The following PSMA5 variants were observed in gnomAD, a reference collection of about 807,000 sequenced individuals.
The protein encoded by PSMA5 is proteasome 20S subunit alpha 5.
In PSMA5, 3 loss-of-function variants were observed where a neutral mutation model predicts 34.5. That is an observed-to-expected ratio of 0.09 (90% CI 0.04 to 0.22). The LOEUF (loss-of-function observed/expected upper bound fraction) is 0.22, where lower values mean the gene tolerates loss of function less well. Ranked by LOEUF, PSMA5 falls within the 10% of genes least tolerant of loss-of-function variation. PSMA5 has a pLI of 1.00. For synonymous variants in PSMA5, 88 were observed against 95.8 expected (o/e 0.92, Z 0.47); for missense variants, 120 against 286.1 (o/e 0.42, Z 4.19).
At position 109,399,502 on chromosome 1, in the gene PSMA5, A is replaced by G. The variant is rs1025954904; in HGVS notation, c.*2511T>C. The G allele has an allele frequency of 6.6e-6, 1 of 152,210 alleles. No homozygotes were observed. Among genetic ancestry groups the G allele is most frequent in the Non-Finnish European group, 1.5e-5 (1 of 68,060 alleles). The allele number at this position is 152,210 out of a possible 1,614,324, so 9.4% of individuals were successfully genotyped here. A position where few individuals can be genotyped will look rare whatever the true frequency, so the allele number is the denominator to read the frequency against. On this transcript the variant is annotated 3_prime_UTR_variant, in exon 9 of 9. Coordinates refer to ENST00000271308, the MANE Select transcript of PSMA5 (RefSeq NM_002790.4). ...ATTTCTTTGTTTGGGTGACACAAAG[A>G]TGAATGGTCTATTGTCTTACTGTCT...
In PSMA5 at chr1:109,411,988, T is replaced by C. The variant is rs1299344358; in HGVS notation, c.400-53A>G. 5 of 1,586,124 alleles carry C rather than the reference T, an allele frequency of 3.2e-6. No individual in the cohort carries two copies. In the African/African-American group the frequency reaches 5.4e-5, roughly 17 times the overall value. ...GATAAATGGCTATAAAGTAAGGAGG[T>C]GAGAGGGGCTGGGAATGTTATGTTC... is the stretch of plus-strand genomic sequence containing the variant. On this transcript the variant is annotated intron_variant, in intron 5 of 8. Coordinates refer to ENST00000271308, the MANE Select transcript of PSMA5 (RefSeq NM_002790.4).
Position 109,399,142 on chromosome 1 carries a change from CAT to C in PSMA5, c.*2869_*2870del, listed in dbSNP as rs1653392464. 1 of 152,208 alleles carries C rather than the reference CAT, an allele frequency of 6.6e-6. No homozygotes were observed. The highest frequency in any genetic ancestry group is 6.5e-5 in the Admixed American group (1 of 15,286). 9.4% of individuals were successfully genotyped at this position (152,208 alleles called of 1,614,324 possible). On this transcript the variant is annotated 3_prime_UTR_variant, in exon 9 of 9. Transcript: ENST00000271308. Reference sequence around the variant, plus strand: ...TACAATGCACCCAACCCGATATTTACATTAAAATATTTCCAGTCACATTAACT... The same window carrying C: ...TACAATGCACCCAACCCGATATTTACTAAAATATTTCCAGTCACATTAACT...
rs554866819 is a variant in PSMA5 at position 109,413,150 on chromosome 1, C to T, written c.224-15G>A. Reference sequence around the variant, plus strand: ...CATGGCACAACCTGCAATGTAAAAGCGACAGTGACCCAGTGGCCAAATCCT... The same window carrying T: ...CATGGCACAACCTGCAATGTAAAAGTGACAGTGACCCAGTGGCCAAATCCT... On this transcript the variant is annotated splice_polypyrimidine_tract_variant and intron_variant, in intron 3 of 8. Transcript: ENST00000271308. 3.0e-5 allele frequency: 49 copies of T among 1,612,640 alleles called. 1 individual carries two copies. The highest frequency in any genetic ancestry group is 2.6e-4 in the South Asian group (24 of 90,958).
At chr1:109,414,783 C>T (rs1267509735) in intron 3 of PSMA5, 1 of 152,876 alleles carries the variant, frequency 6.5e-6, no homozygotes, top group East Asian at 1.9e-4. Context: ...AATAAAATGC[C>T]ATTCTATAAA....
At chr1:109,407,888 T>C (rs996490340) in intron 8 of PSMA5, among the ~76,000 whole-genome samples, 1 of 152,008 alleles carries the variant, frequency 6.6e-6, no homozygotes, top group African/African-American at 2.4e-5. Context: ...CACGTGATCT[T>C]CCTGCCTTGG....
At chr1:109,414,140 T>A (rs898579853) in intron 3 of PSMA5, among the ~76,000 whole-genome samples, 5 of 152,236 alleles carry the variant, frequency 3.3e-5, no homozygotes, top group Non-Finnish European at 7.3e-5. Flanking sequence ...ACAAAACTGC[T>A]TGTGACATGG....
rs143568251 is a variant in PSMA5, at chr1:109,403,850, A to G, written c.649-1760T>C. On this transcript the variant is annotated intron_variant, in intron 8 of 8. Transcript: ENST00000271308. ...CTGATATCTGGGAACAGACTTAAAA[A>G]AAAAGTTCTCCTCTCAAAGCTTGTA... Among the ~76,000 whole-genome samples, 113 of 152,274 alleles carry G rather than the reference A, an allele frequency of 7.4e-4. No individual in the cohort carries two copies. In the Middle Eastern group the frequency reaches 0.014, roughly 18 times the overall value.
intron 8 of PSMA5, among the ~76,000 whole-genome samples, chr1:109,406,095 T>C (rs1653748500): frequency 6.6e-6 from 1 of 152,206 alleles, no homozygotes; most frequent in African/African-American, 2.4e-5. Context: ...TTAGGAAAGA[T>C]AATGATTTTA....
At position 109,417,897 on chromosome 1, in the gene PSMA5, G is replaced by A. The variant is rs528444482; in HGVS notation, c.97-2534C>T. On this transcript the variant is annotated intron_variant, in intron 2 of 8. Coordinates refer to ENST00000271308, the MANE Select transcript of PSMA5 (RefSeq NM_002790.4). ...ACCACTCATCACTACTATGGGCAAGGCATTTTGATATCTACTGCTCTGTTT... is the reference window on the plus strand; with the variant it reads ...ACCACTCATCACTACTATGGGCAAGACATTTTGATATCTACTGCTCTGTTT... 7.9e-5 allele frequency among the ~76,000 whole-genome samples: 12 copies of A among 152,196 alleles called. No individual in the cohort carries two copies. The South Asian group carries it at 2.5e-3, about 32-fold the overall frequency.
rs1654140395 is a variant in PSMA5, at chr1:109,415,148, TG to T, written c.223+88del. ...AATAATAGCTAACAAGGGGATAACGTGTTCATTTCATAAACCTTCCTTGGAA... is the reference window on the plus strand; with the variant it reads ...AATAATAGCTAACAAGGGGATAACGTTTCATTTCATAAACCTTCCTTGGAA... On this transcript the variant is annotated intron_variant, in intron 3 of 8. Transcript: ENST00000271308. 9 of 1,420,834 alleles carry T rather than the reference TG, an allele frequency of 6.3e-6. 1 individual carries two copies. In the South Asian group the frequency reaches 1.4e-4, roughly 23 times the overall value. 88.0% of individuals were successfully genotyped at this position (1,420,834 alleles called of 1,614,324 possible).
chr1:109,413,269 G>A (rs1654067462), intron 3 of PSMA5, 134 bp from the exon 4 acceptor site: 4 of 739,004 alleles, frequency 5.4e-6, no homozygotes, highest in Non-Finnish European at 9.4e-6. Flanking sequence ...ATACCCAAAA[G>A]ATTAGATAGG....
intron 8 of PSMA5, among the ~76,000 whole-genome samples, chr1:109,402,477 T>A (rs1210614215): frequency 6.6e-6 from 1 of 152,170 alleles, no homozygotes; most frequent in African/African-American, 2.4e-5. Flanking sequence ...AAGTTGAGCT[T>A]GTGTGTGTGA....
intron 1 of PSMA5, among the ~76,000 whole-genome samples, chr1:109,424,671 A>ACGCT (rs1459261638): frequency 2.0e-5 from 3 of 150,902 alleles, no homozygotes; most frequent in Non-Finnish European, 2.9e-5. Flanking sequence ...GCTACTCAGG[A>ACGCT]CGCTGAGTCA....
At chr1:109,411,416 T>C (rs1194380474) in intron 6 of PSMA5, among the ~76,000 whole-genome samples, 3 of 152,144 alleles carry the variant, frequency 2.0e-5, no homozygotes, top group African/African-American at 7.2e-5. Flanking sequence ...CAGAGCAAAG[T>C]TCTAAAACAT....
At chr1:109,422,701 G>A (rs1300843114) in intron 1 of PSMA5, among the ~76,000 whole-genome samples, 1 of 152,118 alleles carries the variant, frequency 6.6e-6, no homozygotes, top group Non-Finnish European at 1.5e-5. Context: ...TTGAACTCCT[G>A]ACCTCGTGAT....
In PSMA5 at chr1:109,400,458, G is replaced by A. The variant is rs1428547310; in HGVS notation, c.*1555C>T. 3.3e-5 allele frequency: 5 copies of A among 152,164 alleles called. No homozygotes were observed. The highest frequency in any genetic ancestry group is 4.8e-5 in the African/African-American group (2 of 41,432). 9.4% of individuals were successfully genotyped at this position (152,164 alleles called of 1,614,324 possible). ...TAGGTGCTCAATAAATTTGTTACAG[G>A]AATAAATGAGATAGGATTTTCAAGG... On this transcript the variant is annotated 3_prime_UTR_variant, in exon 9 of 9. Coordinates refer to ENST00000271308, the MANE Select transcript of PSMA5 (RefSeq NM_002790.4).
At chr1:109,413,356 G>A (rs1294948805) in intron 3 of PSMA5, among the ~76,000 whole-genome samples, 2 of 152,158 alleles carry the variant, frequency 1.3e-5, no homozygotes, top group African/African-American at 4.8e-5. Context: ...AAGTCCAGAC[G>A]ATAAAAATAA....
At chr1:109,414,522 A>G (rs1169996810) in intron 3 of PSMA5, among the ~76,000 whole-genome samples, 1 of 152,224 alleles carries the variant, frequency 6.6e-6, no homozygotes, top group Admixed American at 6.5e-5. Context: ...GGTCTGGCAC[A>G]TTGTAGGCTC....
chr1:109,425,966 C>T (rs1179587111), intron 1 of PSMA5: 13 of 416,306 alleles, frequency 3.1e-5, no homozygotes, highest in Non-Finnish European at 5.8e-5. Context: ...ATACTAGGCA[C>T]GAAAAGATGA....
Sources: gnomAD v4.1 joint callset for allele counts (sites outside exome capture counted in the v4.1 genomes callset) on GRCh38, gnomAD v4.1.1 for gene constraint, MANE v1.5 for transcripts, NCBI Gene and HGNC (gene_info 2026-07-23, HGNC 2026-07-21) for gene names.